Variants in RALGPS1 observed in about 807,000 individuals in gnomAD.
RALGPS1 encodes the protein Ral GEF with PH domain and SH3 binding motif 1, also known as ras-specific guanine nucleotide-releasing factor RalGPS1.
In RALGPS1, 19 loss-of-function variants were observed where a neutral mutation model predicts 78.8. That is an observed-to-expected ratio of 0.24 (90% CI 0.17 to 0.35). The LOEUF (loss-of-function observed/expected upper bound fraction) is 0.35. Among genes scored for constraint, RALGPS1 ranks in the 10% least tolerant of loss-of-function variants. The pLI is 1.00. For missense variants in RALGPS1, 454 were observed against 688.3 expected, an observed-to-expected ratio of 0.66 and a Z score of 3.81; for synonymous variants, 228 against 256.3, an observed-to-expected ratio of 0.89 and a Z score of 1.06.
At chr9:126,956,297 C>G (rs2038333900) in intron 1 of RALGPS1, among the ~76,000 whole-genome samples, 1 of 152,120 alleles carries the variant, frequency 6.6e-6, no homozygotes, top group South Asian at 2.1e-4. Context: ...CTCCCTGATA[C>G]AGAACTGGGG....
intron 8 of RALGPS1, among the ~76,000 whole-genome samples, chr9:127,134,076 G>A (rs1377815839): frequency 6.6e-6 from 1 of 151,704 alleles, no homozygotes; most frequent in African/African-American, 2.4e-5. Flanking sequence ...AAATATTCAC[G>A]GCCGCCATCC....
chr9:127,211,182 T>G lies in RALGPS1; in HGVS notation c.1248-949T>G, dbSNP rs1352836889. Among the ~76,000 whole-genome samples, 1 of 152,056 alleles carries G rather than the reference T, an allele frequency of 6.6e-6. No homozygotes were observed. Among genetic ancestry groups the G allele is most frequent in the East Asian group, 1.9e-4 (1 of 5,170 alleles). On this transcript the variant is annotated intron_variant, in intron 14 of 18. Coordinates refer to ENST00000259351, the MANE Select transcript of RALGPS1 (RefSeq NM_014636.3). The surrounding 1 kb of genome is among the most constrained non-coding windows in gnomAD (Gnocchi z 5.0). ...GGACATGAGATGAGCTGGAGCCACATCCAGCATGCATCATCCAGCAGGGGT... is the reference window on the plus strand; with the variant it reads ...GGACATGAGATGAGCTGGAGCCACAGCCAGCATGCATCATCCAGCAGGGGT...
At chr9:127,131,056 A>T (rs1682208361) in intron 8 of RALGPS1, among the ~76,000 whole-genome samples, 1 of 152,218 alleles carries the variant, frequency 6.6e-6, no homozygotes. Context: ...TTGGCTAATT[A>T]CACTATTGGC....
intron 12 of RALGPS1, among the ~76,000 whole-genome samples, chr9:127,195,559 C>T (rs1194644797): frequency 6.6e-6 from 1 of 152,146 alleles, no homozygotes; most frequent in African/African-American, 2.4e-5. Flanking sequence ...CCCCAAAGTC[C>T]AGTAGACACC....
At chr9:127,214,103 C>T (rs924390722) in intron 17 of RALGPS1, 5 of 151,992 alleles carry the variant, frequency 3.3e-5, no homozygotes, top group African/African-American at 9.7e-5. Flanking sequence ...CAGTCTGGAC[C>T]GGATTAGCAG....
At chr9:127,178,025 C>T (rs1170559279) in intron 11 of RALGPS1, 2 of 1,514,488 alleles carry the variant, frequency 1.3e-6, no homozygotes, top group Non-Finnish European at 1.8e-6. Context: ...CATGGCGAGG[C>T]ACCCATGGGC....
In RALGPS1 at chr9:127,178,234, C is replaced by G. The variant is rs563337484; in HGVS notation, c.910+3452C>G. 1.6e-3 allele frequency: 620 copies of G among 384,720 alleles called. 2 individuals carry two copies. Among genetic ancestry groups the G allele is most frequent in the Non-Finnish European group, 1.8e-3 (390 of 211,748 alleles). The allele number at this position is 384,720 out of a possible 1,614,324, so 23.8% of individuals were successfully genotyped here. A position where few individuals can be genotyped will look rare whatever the true frequency, so the allele number is the denominator to read the frequency against. ...CCCTCAGTCTGCCACCAGAGCCTTT[C>G]ATTGGCCAAATCCAATAGAAAGCTG... On this transcript the variant is annotated intron_variant, in intron 11 of 18. Coordinates refer to ENST00000259351, the MANE Select transcript of RALGPS1 (RefSeq NM_014636.3).
chr9:127,141,651 A>AACTGTCCTT (rs2057790433), intron 8 of RALGPS1, among the ~76,000 whole-genome samples: 1 of 151,594 alleles, frequency 6.6e-6, no homozygotes, highest in Non-Finnish European at 1.5e-5. Context: ...GAAAGAAAGA[A>AACTGTCCTT]ACTGTCCTTA....
At chr9:126,984,321 T>C (rs2041598776) in intron 4 of RALGPS1, among the ~76,000 whole-genome samples, 1 of 152,184 alleles carries the variant, frequency 6.6e-6, no homozygotes, top group Admixed American at 6.5e-5. Flanking sequence ...CAGGCTGGTC[T>C]TGGACTCCTG....
intron 1 of RALGPS1, among the ~76,000 whole-genome samples, chr9:126,949,448 G>A (rs990684086): frequency 8.2e-4 from 125 of 152,198 alleles, no homozygotes; most frequent in Middle Eastern, 6.8e-3. Context: ...AAGTGTTCCT[G>A]TTTCTCCACA....
At position 127,221,141 on chromosome 9, in the gene RALGPS1, G is replaced by C. The variant is rs1205881648; in HGVS notation, c.*2372G>C. The C allele has an allele frequency of 6.6e-6, 1 of 152,188 alleles. No homozygotes were observed. The highest frequency in any genetic ancestry group is 1.9e-4 in the East Asian group (1 of 5,190). The allele number at this position is 152,188 out of a possible 1,614,324, so 9.4% of individuals were successfully genotyped here. A position where few individuals can be genotyped will look rare whatever the true frequency, so the allele number is the denominator to read the frequency against. On this transcript the variant is annotated 3_prime_UTR_variant, in exon 19 of 19. Coordinates refer to ENST00000259351, the MANE Select transcript of RALGPS1 (RefSeq NM_014636.3). ...GAAGACACTCAGCTCTCTAAGCAGG[G>C]GCTCGGCCAAACATGGGAGTTAAGT...
chr9:126,990,102 T>C lies in RALGPS1; in HGVS notation c.216+12357T>C. ...TTGGACGTCGGACAAACCCTGTGTGTCTTTGCTGCTCCTTGGAATCAGTGT... is the reference window on the plus strand; with the variant it reads ...TTGGACGTCGGACAAACCCTGTGTGCCTTTGCTGCTCCTTGGAATCAGTGT... On this transcript the variant is annotated intron_variant, in intron 4 of 18. Coordinates refer to ENST00000259351, the MANE Select transcript of RALGPS1 (RefSeq NM_014636.3). The C allele has an allele frequency of 2.3e-6, 3 of 1,320,514 alleles. No homozygotes were observed. In the East Asian group the frequency reaches 7.7e-5, roughly 34 times the overall value. 81.8% of individuals were successfully genotyped at this position (1,320,514 alleles called of 1,614,324 possible).
rs142764226 is a variant in RALGPS1 at position 127,164,737 on chromosome 9, G to A, written c.611-1332G>A. 5.3e-5 allele frequency among the ~76,000 whole-genome samples: 8 copies of A among 151,054 alleles called. No homozygotes were observed. The East Asian group carries it at 1.6e-3, about 30-fold the overall frequency. On this transcript the variant is annotated intron_variant, in intron 8 of 18. Transcript: ENST00000259351. Reference sequence around the variant, plus strand: ...GTGTTTTTTGTAGAGACGGGGTTTTGTCATGTTGCCCAGGCTGGTTCCGAG... The same window carrying A: ...GTGTTTTTTGTAGAGACGGGGTTTTATCATGTTGCCCAGGCTGGTTCCGAG...
chr9:126,980,536 G>A (rs1373669621), intron 4 of RALGPS1, among the ~76,000 whole-genome samples: 5 of 152,262 alleles, frequency 3.3e-5, no homozygotes, highest in Admixed American at 6.5e-5. Flanking sequence ...AACCAGGGAT[G>A]TAGTGATTGT....
intron 4 of RALGPS1, among the ~76,000 whole-genome samples, chr9:127,000,756 G>A (rs1473617807): frequency 1.3e-5 from 2 of 150,706 alleles, no homozygotes; most frequent in Admixed American, 6.6e-5. Context: ...GCTTCGCCGT[G>A]TTGGTCAGGC....
chr9:127,007,232 C>T (rs1409115324), intron 4 of RALGPS1, among the ~76,000 whole-genome samples: 1 of 152,184 alleles, frequency 6.6e-6, no homozygotes, highest in Non-Finnish European at 1.5e-5. Flanking sequence ...AGAGTTAAAG[C>T]TCTATTTTCT....
chr9:126,951,872 G>A (rs1235118747), intron 1 of RALGPS1, among the ~76,000 whole-genome samples: 1 of 152,190 alleles, frequency 6.6e-6, no homozygotes. Context: ...AAAAGAGGAA[G>A]TCAAATTGTC....
intron 4 of RALGPS1, among the ~76,000 whole-genome samples, chr9:127,027,837 C>T (rs1428847917): frequency 2.6e-5 from 4 of 152,222 alleles, no homozygotes; most frequent in Non-Finnish European, 5.9e-5. Flanking sequence ...AGTTCCAGCA[C>T]TTACTAGCCA....
chr9:127,183,781 G>A lies in RALGPS1; in HGVS notation c.910+8999G>A. On this transcript the variant is annotated intron_variant, in intron 11 of 18. Transcript: ENST00000259351. This position sits in a 1 kb window ranked among gnomAD's most constrained non-coding sequence, Gnocchi z 4.0. Reference sequence around the variant, plus strand: ...GTTTATATTTTCGGAATGGATGGGTGGGAGGGGCCCTCCATGAGGACCTCA... The same window carrying A: ...GTTTATATTTTCGGAATGGATGGGTAGGAGGGGCCCTCCATGAGGACCTCA... The A allele has an allele frequency of 1.7e-6, 2 of 1,189,754 alleles. No individual in the cohort carries two copies. Among genetic ancestry groups the A allele is most frequent in the Admixed American group, 2.3e-5 (1 of 42,798 alleles). 73.7% of individuals were successfully genotyped at this position (1,189,754 alleles called of 1,614,324 possible).
Sources: gnomAD v4.1 joint callset for allele counts (sites outside exome capture counted in the v4.1 genomes callset) on GRCh38, gnomAD v4.1.1 for gene constraint, Gnocchi (gnomAD v3.1) non-coding constraint, MANE v1.5 for transcripts, NCBI Gene and HGNC (gene_info 2026-07-23, HGNC 2026-07-21) for gene names.